Variants in NRXN3 observed in about 807,000 individuals in gnomAD.
NRXN3 encodes neurexin 3, also known as neurexin III.
A neutral mutation model predicts 137.6 loss-of-function variants in NRXN3; 32 were observed. That is an observed-to-expected ratio of 0.23 (90% CI 0.18 to 0.31). NRXN3 has a LOEUF of 0.31. NRXN3 is among the 10% of genes least tolerant of loss of function. NRXN3 has a pLI of 1.00. For missense variants in NRXN3, 1,574 were observed against 2,062.5 expected (o/e 0.76, Z 4.59); for synonymous variants, 798 against 784.5 (o/e 1.02, Z -0.29).
chr14:79,815,841 C>T (rs1308718833), intron 20 of NRXN3, among the ~76,000 whole-genome samples: 4 of 152,052 alleles, frequency 2.6e-5, no homozygotes, highest in Non-Finnish European at 2.9e-5. Flanking sequence ...ACACTATAGA[C>T]GTCAAGAACC....
At chr14:78,332,975 T>C (rs1244248051) in intron 4 of NRXN3, among the ~76,000 whole-genome samples, 1 of 152,222 alleles carries the variant, frequency 6.6e-6, no homozygotes. Flanking sequence ...GTCAGAATAA[T>C]TTACAGTTAC....
At chr14:78,671,005 T>G (rs1427615124) in intron 6 of NRXN3, among the ~76,000 whole-genome samples, 1 of 152,194 alleles carries the variant, frequency 6.6e-6, no homozygotes, top group Non-Finnish European at 1.5e-5. Flanking sequence ...TAATTGAAAT[T>G]GATGAGATCA....
At chr14:79,373,267 T>C (rs945888343) in intron 15 of NRXN3, among the ~76,000 whole-genome samples, 2 of 152,112 alleles carry the variant, frequency 1.3e-5, no homozygotes, top group African/African-American at 4.8e-5. Context: ...TTGCCCTCAT[T>C]ACACAAAATG....
chr14:78,410,270 G>A (rs984583844), intron 4 of NRXN3, among the ~76,000 whole-genome samples: 16 of 152,202 alleles, frequency 1.1e-4, no homozygotes, highest in Non-Finnish European at 1.9e-4. Context: ...GAGAATGGTA[G>A]TGACATCTTC....
At chr14:79,054,670 T>A (rs993044164) in intron 15 of NRXN3, among the ~76,000 whole-genome samples, 8 of 152,188 alleles carry the variant, frequency 5.3e-5, no homozygotes, top group Non-Finnish European at 1.0e-4. Context: ...GTGTATAGCA[T>A]GAAGAATTTA....
intron 15 of NRXN3, among the ~76,000 whole-genome samples, chr14:79,450,548 T>C (rs920834488): frequency 2.6e-5 from 4 of 151,492 alleles, no homozygotes; most frequent in African/African-American, 7.3e-5. Flanking sequence ...CATAATTATA[T>C]ATAATTATGA....
At chr14:78,683,755 G>A (rs1189872033) in intron 6 of NRXN3, among the ~76,000 whole-genome samples, 1 of 152,176 alleles carries the variant, frequency 6.6e-6, no homozygotes, top group Non-Finnish European at 1.5e-5. Flanking sequence ...TGCATTTGGA[G>A]TGACAAACTT....
chr14:78,351,879 TA>T (rs890884074), intron 4 of NRXN3, among the ~76,000 whole-genome samples: 2 of 151,628 alleles, frequency 1.3e-5, no homozygotes, highest in African/African-American at 2.4e-5. Context: ...TATGCCTTAT[TA>T]AAAAAAATCT....
chr14:79,775,426 A>T lies in NRXN3; in HGVS notation c.4015-29686A>T, dbSNP rs538909645. Among the ~76,000 whole-genome samples, 3 of 151,898 alleles carry T rather than the reference A, an allele frequency of 2.0e-5. No individual in the cohort carries two copies. The South Asian group carries it at 6.2e-4, about 32-fold the overall frequency. On this transcript the variant is annotated intron_variant, in intron 19 of 20. Transcript: ENST00000335750. The stretch of plus-strand genomic sequence containing the variant: ...TCTAATTTCAAGTTAGGGTAGTAGG[A>T]TATGGATTGGGGGGCGTGATTCTTA...
At chr14:78,927,944 TG>T (rs2152854168) in intron 10 of NRXN3, among the ~76,000 whole-genome samples, 1 of 152,238 alleles carries the variant, frequency 6.6e-6, no homozygotes, top group East Asian at 1.9e-4. Context: ...GTCCTCTGCC[TG>T]GGGGAGCTTA....
At chr14:79,470,919 T>TGTGTGAGAGA (rs1555467278) in intron 16 of NRXN3, among the ~76,000 whole-genome samples, 1 of 131,346 alleles carries the variant, frequency 7.6e-6, no homozygotes, top group African/African-American at 3.3e-5. Flanking sequence ...TGTGTGTGTG[T>TGTGTGAGAGA]GAGAGAGAGA....
At chr14:79,496,689 A>G (rs1729625249) in intron 16 of NRXN3, among the ~76,000 whole-genome samples, 1 of 152,194 alleles carries the variant, frequency 6.6e-6, no homozygotes, top group African/African-American at 2.4e-5. Context: ...GAGCGAGTTA[A>G]AATTAGAGGT....
At position 79,409,341 on chromosome 14, in the gene NRXN3, A is replaced by T. The variant is rs534170710; in HGVS notation, c.3263-57880A>T. Among the ~76,000 whole-genome samples the T allele has an allele frequency of 4.6e-5, 7 of 151,694 alleles. No individual in the cohort carries two copies. The South Asian group carries it at 1.2e-3, about 27-fold the overall frequency. ...TGTGTATATGTGTATATATATATGT[A>T]GCATACTACATATGTATACATGTGC... On this transcript the variant is annotated intron_variant, in intron 15 of 20. Transcript: ENST00000335750.
intron 6 of NRXN3, among the ~76,000 whole-genome samples, chr14:78,665,152 GA>G (rs1341435046): frequency 6.6e-6 from 1 of 152,174 alleles, no homozygotes. Flanking sequence ...GATACTTTCA[GA>G]TAATGATAAG....
intron 4 of NRXN3, among the ~76,000 whole-genome samples, chr14:78,318,557 T>C (rs1284464825): frequency 6.6e-6 from 1 of 152,184 alleles, no homozygotes; most frequent in Non-Finnish European, 1.5e-5. Context: ...TCAGCTGCTA[T>C]TTCTTAGCAC....
intron 15 of NRXN3, among the ~76,000 whole-genome samples, chr14:79,115,715 C>G (rs990204540): frequency 6.6e-6 from 1 of 152,234 alleles, no homozygotes; most frequent in South Asian, 2.1e-4. Context: ...ATGCTTTATG[C>G]TTCGAGAAAG....
chr14:79,516,559 G>A (rs2096986890), intron 16 of NRXN3, among the ~76,000 whole-genome samples: 1 of 152,072 alleles, frequency 6.6e-6, no homozygotes, highest in Admixed American at 6.6e-5. Flanking sequence ...TAAATTCAGT[G>A]TGCTTTTTAA....
chr14:78,310,263 T>C (rs1452378734), intron 4 of NRXN3, among the ~76,000 whole-genome samples: 2 of 48,764 alleles, frequency 4.1e-5, no homozygotes, highest in Non-Finnish European at 1.1e-4. Flanking sequence ...TGAATGGCTT[T>C]TTTTTTTTTT....
At chr14:79,331,022 A>G (rs1598799878) in intron 15 of NRXN3, among the ~76,000 whole-genome samples, 1 of 152,170 alleles carries the variant, frequency 6.6e-6, no homozygotes, top group African/African-American at 2.4e-5. Context: ...CTTTCCCAAA[A>G]ACATACCTTC....
Sources: gnomAD v4.1 joint callset for allele counts (sites outside exome capture counted in the v4.1 genomes callset) on GRCh38, gnomAD v4.1.1 for gene constraint, MANE v1.5 for transcripts, NCBI Gene and HGNC (gene_info 2026-07-23, HGNC 2026-07-21) for gene names.